The following FOXN3 variants were observed in gnomAD, a reference collection of about 807,000 sequenced individuals.
FOXN3 encodes forkhead box N3.
FOXN3 carries 7 observed loss-of-function variants against 38.4 expected under a neutral mutation model. The ratio of observed to expected loss-of-function variants is 0.18; its 90% confidence interval spans 0.10 to 0.34. The LOEUF is 0.34. Ranked by LOEUF, FOXN3 falls within the 10% of genes least tolerant of loss-of-function variation. The probability of loss-of-function intolerance (pLI) is 1.00; values close to 1 mark genes in which losing one functional copy is unlikely to be tolerated. For synonymous variants in FOXN3, 230 were observed against 242.2 expected, an observed-to-expected ratio of 0.95 and a Z score of 0.47; for missense variants, 456 against 613.4, an observed-to-expected ratio of 0.74 and a Z score of 2.71.
At chr14:89,247,704 T>TA (rs1885337462) in intron 4 of FOXN3, among the ~76,000 whole-genome samples, 1 of 152,214 alleles carries the variant, frequency 6.6e-6, no homozygotes, top group Non-Finnish European at 1.5e-5. Flanking sequence ...CCTGTCAACC[T>TA]ACTCTGTTCT....
chr14:89,470,570 C>A (rs2139744068), intron 1 of FOXN3, among the ~76,000 whole-genome samples: 1 of 152,332 alleles, frequency 6.6e-6, no homozygotes, highest in East Asian at 1.9e-4. Flanking sequence ...TTGGAGATAA[C>A]TGTTTTTCTC....
intron 4 of FOXN3, chr14:89,190,328 T>G: frequency 7.4e-7 from 1 of 1,346,346 alleles, no homozygotes; most frequent in South Asian, 1.2e-5. Context: ...GGTGTATAAA[T>G]GAGAAGGTTA....
At chr14:89,564,762 C>T (rs1459136639) in intron 1 of FOXN3, among the ~76,000 whole-genome samples, 3 of 151,994 alleles carry the variant, frequency 2.0e-5, no homozygotes, top group Non-Finnish European at 2.9e-5. Flanking sequence ...GAGGTCATCC[C>T]GGAATAAGGT....
At chr14:89,616,197 C>T (rs551075427) in intron 1 of FOXN3, among the ~76,000 whole-genome samples, 4 of 138,904 alleles carry the variant, frequency 2.9e-5, no homozygotes, top group East Asian at 2.5e-4. Flanking sequence ...GCAAAATGAA[C>T]GGGGTTGGGG....
intron 1 of FOXN3, among the ~76,000 whole-genome samples, chr14:89,480,823 T>A (rs1021194399): frequency 6.6e-6 from 1 of 152,210 alleles, no homozygotes; most frequent in African/African-American, 2.4e-5. Context: ...TTTTCTTTCA[T>A]AATGGAATTC....
chr14:89,394,662 CAT>C (rs1332284475), intron 2 of FOXN3, among the ~76,000 whole-genome samples: 1 of 152,210 alleles, frequency 6.6e-6, no homozygotes, highest in African/African-American at 2.4e-5. Context: ...TGGCCTAGGG[CAT>C]CTGGCCAGAT....
In FOXN3 at chr14:89,440,891, T is replaced by C. The variant is rs17125876; in HGVS notation, c.-14-28401A>G. On this transcript the variant is annotated intron_variant, in intron 1 of 6. Coordinates refer to the FOXN3 transcript ENST00000345097. The stretch of plus-strand genomic sequence containing the variant: ...GCAGTGGGTTAGTAATAGGCTCTTT[T>C]CTTTGATGTTATTTATGGTTTCAGG... 3.8e-3 allele frequency among the ~76,000 whole-genome samples: 574 copies of C among 152,292 alleles called. 4 individuals carry two copies. Among genetic ancestry groups the C allele is most frequent in the East Asian group, 0.02 (104 of 5,176 alleles).
rs570755978 is a variant in FOXN3, at chr14:89,305,373, G to A, written c.681-24359C>T. On this transcript the variant is annotated intron_variant, in intron 3 of 5. Coordinates refer to ENST00000557258, the MANE Select transcript of FOXN3 (RefSeq NM_005197.4). ...CCTCTATGACATCACTGTCCTACCC[G>A]ATGAGTTTCAGTACCATGAGCAGAT... Among the ~76,000 whole-genome samples, 8 of 152,344 alleles carry A rather than the reference G, an allele frequency of 5.3e-5. No homozygotes were observed. The South Asian group carries it at 1.4e-3, about 28-fold the overall frequency.
At chr14:89,372,287 A>C (rs570030268) in intron 2 of FOXN3, among the ~76,000 whole-genome samples, 1 of 152,352 alleles carries the variant, frequency 6.6e-6, no homozygotes, top group Admixed American at 6.5e-5. Context: ...CCTAAAAAGC[A>C]CAGTAAGCTT....
chr14:89,280,888 G>A, intron 4 of FOXN3, 62 bp downstream of exon 4: 2 of 1,420,556 alleles, frequency 1.4e-6, no homozygotes, highest in South Asian at 1.2e-5. Context: ...CAAGCACAAA[G>A]GAGTGATGAA....
chr14:89,176,931 T>G (rs1194848849), intron 5 of FOXN3, among the ~76,000 whole-genome samples: 1 of 152,116 alleles, frequency 6.6e-6, no homozygotes, highest in African/African-American at 2.4e-5. Context: ...GGGGGGCAAG[T>G]TCAGAATTGG....
In FOXN3 at chr14:89,524,403, AG is replaced by A. The variant is rs66483752; in HGVS notation, c.-15+94624del. ...AAAAAAAAAAAAAAAAAAAAAAAAA[AG>A]AAAGAAAGAAACTAGAAAAAGAACT... On this transcript the variant is annotated intron_variant, in intron 1 of 6. Coordinates refer to the FOXN3 transcript ENST00000345097. Among the ~76,000 whole-genome samples the A allele has an allele frequency of 5.7e-3, 185 of 32,540 alleles. 15 individuals carry two copies. Among genetic ancestry groups the A allele is most frequent in the African/African-American group, 0.01 (56 of 5,452 alleles). The allele number at this position is 32,540 out of a possible 152,430, so 21.3% of individuals were successfully genotyped here. A position where few individuals can be genotyped will look rare whatever the true frequency, so the allele number is the denominator to read the frequency against.
chr14:89,394,708 A>G (rs1566638924), intron 2 of FOXN3, among the ~76,000 whole-genome samples: 1 of 152,252 alleles, frequency 6.6e-6, no homozygotes, highest in Non-Finnish European at 1.5e-5. Context: ...ACAGCCATGA[A>G]CACACCTGGG....
intron 3 of FOXN3, among the ~76,000 whole-genome samples, chr14:89,306,561 G>A (rs1431146391): frequency 6.6e-6 from 1 of 152,108 alleles, no homozygotes; most frequent in East Asian, 1.9e-4. Flanking sequence ...TAGAGACGGG[G>A]TTTCACTGTG....
chr14:89,181,016 G>GCA (rs149735845), intron 4 of FOXN3, among the ~76,000 whole-genome samples: 18 of 149,256 alleles, frequency 1.2e-4, no homozygotes, highest in East Asian at 4.0e-4. Flanking sequence ...TCATGCACGC[G>GCA]CACACACACA....
chr14:89,559,395 A>C (rs963839899), intron 1 of FOXN3, among the ~76,000 whole-genome samples: 3 of 152,098 alleles, frequency 2.0e-5, no homozygotes, highest in African/African-American at 7.2e-5. Flanking sequence ...GTAGCAAATA[A>C]GGCCGGGCGT....
intron 1 of FOXN3, among the ~76,000 whole-genome samples, chr14:89,611,592 G>T (rs901919866): frequency 6.6e-6 from 1 of 152,112 alleles, no homozygotes; most frequent in East Asian, 1.9e-4. Context: ...GGATCACAAG[G>T]TCAGGAGATC....
intron 2 of FOXN3, among the ~76,000 whole-genome samples, chr14:89,404,825 C>T (rs1434156969): frequency 6.6e-6 from 1 of 152,074 alleles, no homozygotes; most frequent in Non-Finnish European, 1.5e-5. Context: ...ACCCAGAGAC[C>T]ACAGAGGAGT....
At chr14:89,384,201 G>A (rs569087389) in intron 2 of FOXN3, among the ~76,000 whole-genome samples, 1 of 152,352 alleles carries the variant, frequency 6.6e-6, no homozygotes, top group Non-Finnish European at 1.5e-5. Context: ...CACAGAAGCA[G>A]CTGAGGATGA....
Sources: allele counts gnomAD v4.1 joint callset (sites outside exome capture counted in the v4.1 genomes callset), GRCh38; gene constraint gnomAD v4.1.1; transcripts MANE v1.5; gene names NCBI Gene and HGNC (gene_info 2026-07-23, HGNC 2026-07-21).